The following JARID2 variants were observed in gnomAD, a reference collection of about 807,000 sequenced individuals.
JARID2 encodes protein Jumonji.
JARID2 carries 21 observed loss-of-function variants against 125.6 expected under a neutral mutation model. The ratio of observed to expected loss-of-function variants is 0.17; its 90% confidence interval spans 0.12 to 0.24. The LOEUF is 0.24. JARID2 is among the 10% of genes least tolerant of loss of function. The pLI is 1.00. For synonymous variants in JARID2, 736 were observed against 661.6 expected, an observed-to-expected ratio of 1.11 and a Z score of -1.73; for missense variants, 1,303 against 1,639.6, an observed-to-expected ratio of 0.79 and a Z score of 3.55.
At chr6:15,300,691 G>A (rs1454385426) in intron 1 of JARID2, among the ~76,000 whole-genome samples, 1 of 133,230 alleles carries the variant, frequency 7.5e-6, no homozygotes, top group Non-Finnish European at 1.6e-5. Flanking sequence ...TGTTGTGTGT[G>A]TGTGTGTGTG....
intron 1 of JARID2, among the ~76,000 whole-genome samples, chr6:15,286,012 T>G (rs1254909271): frequency 6.6e-6 from 1 of 152,194 alleles, no homozygotes; most frequent in Non-Finnish European, 1.5e-5. Context: ...ATATGAAGTT[T>G]GAAGTTTTTC....
At chr6:15,314,184 C>T (rs1762106830) in intron 1 of JARID2, among the ~76,000 whole-genome samples, 1 of 152,220 alleles carries the variant, frequency 6.6e-6, no homozygotes, top group African/African-American at 2.4e-5. Flanking sequence ...CTGCAGGTTG[C>T]TGTGGCTCCT....
intron 4 of JARID2, among the ~76,000 whole-genome samples, chr6:15,461,981 C>T (rs1277060274): frequency 6.6e-6 from 1 of 151,994 alleles, no homozygotes; most frequent in Admixed American, 6.6e-5. Flanking sequence ...ATAGGGATTC[C>T]CTTTGTGTTT....
At chr6:15,384,992 G>C (rs1764731307) in intron 2 of JARID2, among the ~76,000 whole-genome samples, 1 of 152,172 alleles carries the variant, frequency 6.6e-6, no homozygotes, top group South Asian at 2.1e-4. Context: ...TGCTCGCTCA[G>C]CTTCTGCCTT....
intron 1 of JARID2, among the ~76,000 whole-genome samples, chr6:15,287,093 TCCAGCCTGGG>T (rs1761030738): frequency 6.6e-6 from 1 of 151,864 alleles, no homozygotes. Context: ...GTCATTGAAC[TCCAGCCTGGG>T]CAACAAGAGT....
At chr6:15,317,261 C>A (rs1239800086) in intron 1 of JARID2, among the ~76,000 whole-genome samples, 1 of 152,104 alleles carries the variant, frequency 6.6e-6, no homozygotes, top group Non-Finnish European at 1.5e-5. Context: ...ATCTGAAACA[C>A]AACAGACAAT....
chr6:15,411,223 C>T (rs1377222003), intron 3 of JARID2, among the ~76,000 whole-genome samples: 1 of 151,980 alleles, frequency 6.6e-6, no homozygotes, highest in African/African-American at 2.4e-5. Context: ...TCTCTGTTTA[C>T]TCATTCTGGA....
At chr6:15,511,205 T>A in intron 12 of JARID2, 91 bp from the exon 13 acceptor site, 1 of 833,580 alleles carries the variant, frequency 1.2e-6, no homozygotes, top group South Asian at 1.4e-5. Flanking sequence ...TCTCGTGTGC[T>A]CGGGTCCCTG....
At chr6:15,412,536 C>T (rs1765923624) in intron 3 of JARID2, among the ~76,000 whole-genome samples, 1 of 152,144 alleles carries the variant, frequency 6.6e-6, no homozygotes, top group Non-Finnish European at 1.5e-5. Flanking sequence ...CTTGAACTCC[C>T]AGCCTCAAGT....
intron 3 of JARID2, among the ~76,000 whole-genome samples, chr6:15,415,343 C>CG: frequency 6.6e-6 from 1 of 152,300 alleles, no homozygotes; most frequent in East Asian, 1.9e-4. Context: ...ACCTCCCAGA[C>CG]GGGGCGGTGG....
chr6:15,393,919 A>G (rs1765119507), intron 2 of JARID2, among the ~76,000 whole-genome samples: 2 of 152,212 alleles, frequency 1.3e-5, no homozygotes, highest in African/African-American at 2.4e-5. Flanking sequence ...CAAAAAAACA[A>G]AAACTGTAAA....
intron 3 of JARID2, among the ~76,000 whole-genome samples, chr6:15,424,619 G>A (rs1413763821): frequency 5.9e-5 from 9 of 152,124 alleles, no homozygotes; most frequent in South Asian, 2.1e-4. Context: ...GCACTTTGGG[G>A]GGCTGAGTTG....
At chr6:15,421,794 G>C (rs938488594) in intron 3 of JARID2, among the ~76,000 whole-genome samples, 3 of 152,184 alleles carry the variant, frequency 2.0e-5, no homozygotes, top group African/African-American at 7.2e-5. Flanking sequence ...TGAATTTTCA[G>C]GTGTGTGCAT....
chr6:15,501,887 G>A (rs1770755283), intron 8 of JARID2, among the ~76,000 whole-genome samples: 1 of 152,326 alleles, frequency 6.6e-6, no homozygotes, highest in East Asian at 1.9e-4. Flanking sequence ...TGCTTCTCCA[G>A]TTCCGTTTCA....
At chr6:15,336,055 A>G (rs1762865025) in intron 1 of JARID2, among the ~76,000 whole-genome samples, 1 of 152,064 alleles carries the variant, frequency 6.6e-6, no homozygotes, top group Non-Finnish European at 1.5e-5. Flanking sequence ...ACTGCACTCC[A>G]GTCTGGGTGA....
chr6:15,389,660 T>C (rs892451957), intron 2 of JARID2, among the ~76,000 whole-genome samples: 1 of 152,190 alleles, frequency 6.6e-6, no homozygotes, highest in Admixed American at 6.5e-5. Context: ...AGCTGGCACT[T>C]TCTGAATCCC....
At chr6:15,454,015 G>GGGTCTATCCC in intron 4 of JARID2, among the ~76,000 whole-genome samples, 1 of 152,188 alleles carries the variant, frequency 6.6e-6, no homozygotes, top group South Asian at 2.1e-4. Context: ...TCTATCCGAA[G>GGGTCTATCCC]TTCTGTGTAT....
At position 15,383,857 on chromosome 6, in the gene JARID2, C is replaced by T. The variant is rs554650729; in HGVS notation, c.181+9605C>T. 2.6e-5 allele frequency among the ~76,000 whole-genome samples: 4 copies of T among 152,150 alleles called. No individual in the cohort carries two copies. The South Asian group carries it at 6.2e-4, about 24-fold the overall frequency. ...TTGTCCAGGCTGGAGTGCAATGGCA[C>T]GACCTTGGCTCACTGCACCCTCCGC... On this transcript the variant is annotated intron_variant, in intron 2 of 17. Transcript: ENST00000341776.
chr6:15,469,888 G>T (rs1768986117), intron 5 of JARID2, among the ~76,000 whole-genome samples: 5 of 152,122 alleles, frequency 3.3e-5, no homozygotes, highest in Admixed American at 1.3e-4. Flanking sequence ...AGTAAGAAAA[G>T]AGGAAAGAGG....
Sources: allele counts gnomAD v4.1 joint callset (sites outside exome capture counted in the v4.1 genomes callset), GRCh38; gene constraint gnomAD v4.1.1; transcripts MANE v1.5; gene names NCBI Gene and HGNC (gene_info 2026-07-23, HGNC 2026-07-21).